HECW1: variants seen among roughly 807,000 people sequenced by gnomAD.
The protein encoded by HECW1 is HECT, C2 and WW domain containing E3 ubiquitin protein ligase 1, also known as E3 ubiquitin-protein ligase HECW1.
Under a neutral mutation model 182.3 loss-of-function variants are expected in HECW1, and 61 were observed. That is an observed-to-expected ratio of 0.33 (90% confidence interval 0.27 to 0.41). The LOEUF is 0.41. Among genes scored for constraint, HECW1 ranks in the 10% least tolerant of loss-of-function variants. The pLI is 1.00. For missense variants in HECW1, 1,739 were observed against 2,108.9 expected (o/e 0.82, Z 3.44); for synonymous variants, 859 against 832.6 (o/e 1.03, Z -0.55).
At chr7:43,344,376 C>T (rs1813407294) in intron 5 of HECW1, among the ~76,000 whole-genome samples, 1 of 149,904 alleles carries the variant, frequency 6.7e-6, no homozygotes, top group South Asian at 2.1e-4. Flanking sequence ...ACAGATATCT[C>T]CTTTCAGCAC....
intron 26 of HECW1, among the ~76,000 whole-genome samples, chr7:43,545,582 G>T (rs562883500): frequency 6.6e-6 from 1 of 152,318 alleles, no homozygotes; most frequent in Admixed American, 6.5e-5. Context: ...CTGTTGACTA[G>T]AAGTCTTATT....
At chr7:43,207,545 C>T (rs184559391) in intron 2 of HECW1, among the ~76,000 whole-genome samples, 31 of 152,272 alleles carry the variant, frequency 2.0e-4, no homozygotes, top group African/African-American at 7.2e-4. Flanking sequence ...TTGTAGTCAT[C>T]TTACCATGCT....
intron 2 of HECW1, among the ~76,000 whole-genome samples, chr7:43,181,044 CTT>C (rs368003146): frequency 1.3e-5 from 2 of 151,942 alleles, no homozygotes; most frequent in African/African-American, 4.9e-5. Context: ...ATTCTACTCT[CTT>C]CTTCTATGAG....
intron 2 of HECW1, among the ~76,000 whole-genome samples, chr7:43,209,032 A>G (rs1795748131): frequency 6.6e-6 from 1 of 152,096 alleles, no homozygotes; most frequent in Admixed American, 6.5e-5. Context: ...ACAAAACATT[A>G]CCTCTTATTT....
chr7:43,426,357 A>G (rs774967822), intron 8 of HECW1, among the ~76,000 whole-genome samples: 9 of 152,318 alleles, frequency 5.9e-5, no homozygotes, highest in Non-Finnish European at 8.8e-5. Flanking sequence ...AAGATGAAAT[A>G]AAGTTAGTAT....
At chr7:43,501,146 A>G (rs2079336302) in intron 20 of HECW1, 67 bp from the exon 21 acceptor site, 2 of 876,150 alleles carry the variant, frequency 2.3e-6, no homozygotes, top group Non-Finnish European at 3.6e-6. Context: ...ATTCGTGAAC[A>G]CTTTCTCAGG....
chr7:43,230,885 T>TA (rs1562706523), intron 2 of HECW1, among the ~76,000 whole-genome samples: 1 of 141,578 alleles, frequency 7.1e-6, no homozygotes, highest in African/African-American at 2.5e-5. Flanking sequence ...TGCCAAGATT[T>TA]AAAAAAAATA....
intron 8 of HECW1, among the ~76,000 whole-genome samples, chr7:43,415,674 C>T (rs1170312386): frequency 1.3e-4 from 18 of 143,146 alleles, no homozygotes; most frequent in Admixed American, 1.4e-4. Context: ...ACCAATCAGA[C>T]GTAGATTTGG....
chr7:43,357,886 A>G (rs1306786050), intron 5 of HECW1, among the ~76,000 whole-genome samples: 1 of 152,210 alleles, frequency 6.6e-6, no homozygotes, highest in East Asian at 1.9e-4. Context: ...ATGTACATCT[A>G]TTATGTATCA....
At chr7:43,389,682 C>G (rs1452572641) in intron 6 of HECW1, among the ~76,000 whole-genome samples, 1 of 151,940 alleles carries the variant, frequency 6.6e-6, no homozygotes, top group Admixed American at 6.6e-5. Flanking sequence ...ATTCTGTCAC[C>G]CAGGCTGGAG....
At chr7:43,199,578 A>G (rs1794845035) in intron 2 of HECW1, among the ~76,000 whole-genome samples, 1 of 152,200 alleles carries the variant, frequency 6.6e-6, no homozygotes, top group Admixed American at 6.5e-5. Flanking sequence ...TCCTGTCAAC[A>G]AAAATAAGTA....
At chr7:43,137,734 G>C (rs1180718850) in intron 2 of HECW1, among the ~76,000 whole-genome samples, 1 of 151,868 alleles carries the variant, frequency 6.6e-6, no homozygotes, top group Admixed American at 6.6e-5. Context: ...ATTTTTAGTA[G>C]AGATAGGGTT....
chr7:43,337,318 C>G (rs1410755259), intron 5 of HECW1, among the ~76,000 whole-genome samples: 1 of 152,202 alleles, frequency 6.6e-6, no homozygotes, highest in Non-Finnish European at 1.5e-5. Flanking sequence ...TTGTTGACCA[C>G]TTGTATTTCC....
In HECW1 at chr7:43,412,196, T is replaced by C. The variant is rs185965698; in HGVS notation, c.801+4465T>C. On this transcript the variant is annotated intron_variant, in intron 8 of 29. Coordinates refer to ENST00000395891, the MANE Select transcript of HECW1 (RefSeq NM_015052.5). ...CTACATTGAGTTAATTTTGTACCAC[T>C]TTACATAAAATGCAGTAACTCTTCA... 6.6e-5 allele frequency among the ~76,000 whole-genome samples: 10 copies of C among 152,262 alleles called. No homozygotes were observed. The East Asian group carries it at 1.5e-3, about 23-fold the overall frequency.
chr7:43,205,729 C>G (rs1335692321), intron 2 of HECW1, among the ~76,000 whole-genome samples: 3 of 152,184 alleles, frequency 2.0e-5, no homozygotes, highest in Admixed American at 6.5e-5. Flanking sequence ...AATAGGTTCT[C>G]CTCAGTTTCA....
At chr7:43,423,836 T>C (rs1028181573) in intron 8 of HECW1, among the ~76,000 whole-genome samples, 1 of 152,180 alleles carries the variant, frequency 6.6e-6, no homozygotes, top group Non-Finnish European at 1.5e-5. Context: ...ATTGAAAAAG[T>C]TGAAGACTAA....
chr7:43,203,813 G>T (rs1219659875), intron 2 of HECW1, among the ~76,000 whole-genome samples: 2 of 152,096 alleles, frequency 1.3e-5, no homozygotes, highest in African/African-American at 4.8e-5. Context: ...ATATCAAAAG[G>T]ATTATTGTAT....
chr7:43,500,538 T>C (rs1181802791), intron 19 of HECW1, among the ~76,000 whole-genome samples, 161 bp from the exon 20 acceptor site: 2 of 152,204 alleles, frequency 1.3e-5, no homozygotes, highest in Non-Finnish European at 2.9e-5. Context: ...TAGAGCATCC[T>C]GAGAGCCTGT....
rs529529312 is a variant in HECW1 at position 43,464,892 on chromosome 7, C to A, written c.2791+1093C>A. ...TCATAGCTCACTGCAGCCTCAAACT[C>A]CTGGGCTCAAACAGTCCTCCCAACA... On this transcript the variant is annotated intron_variant, in intron 14 of 29. Coordinates refer to ENST00000395891, the MANE Select transcript of HECW1 (RefSeq NM_015052.5). 1.3e-3 allele frequency among the ~76,000 whole-genome samples: 202 copies of A among 152,188 alleles called. 6 individuals carry two copies. The South Asian group carries it at 0.041, about 31-fold the overall frequency.
Sources: gnomAD v4.1 joint callset for allele counts (sites outside exome capture counted in the v4.1 genomes callset) on GRCh38, gnomAD v4.1.1 for gene constraint, MANE v1.5 for transcripts, NCBI Gene and HGNC (gene_info 2026-07-23, HGNC 2026-07-21) for gene names.